The following DNAH12 variants were observed in gnomAD, a reference collection of about 807,000 sequenced individuals.
The protein encoded by DNAH12 is axonemal beta dynein heavy chain 12.
In DNAH12, 285 loss-of-function variants were observed where a neutral mutation model predicts 371.5. The ratio of observed to expected loss-of-function variants is 0.77; its 90% CI spans 0.70 to 0.85. The LOEUF (loss-of-function observed/expected upper bound fraction) is 0.85. Ranked by LOEUF, DNAH12 falls within the 40% of genes least tolerant of loss-of-function variation. The pLI, the probability that DNAH12 is intolerant of heterozygous loss-of-function variation, is 0.00. For missense variants in DNAH12, 3,611 were observed against 3,689.4 expected (o/e 0.98, Z 0.55); for synonymous variants, 1,200 against 1,213.0 (o/e 0.99, Z 0.22).
rs1013992021 is a variant in DNAH12, at chr3:57,364,605, C to T, written c.9168-819G>A. ...ACATCAAAAGCAACTGCAACAAAAA[C>T]ACAAATTGAAAAATGGGATCTAATT... On this transcript the variant is annotated intron_variant, in intron 57 of 73. Transcript: ENST00000495027. Among the ~76,000 whole-genome samples the T allele has an allele frequency of 7.3e-4, 111 of 152,194 alleles. 2 individuals carry two copies. The highest frequency in any genetic ancestry group is 2.5e-3 in the African/African-American group (104 of 41,542).
At chr3:57,467,034 T>G (rs898221879) in intron 17 of DNAH12, among the ~76,000 whole-genome samples, 1 of 151,726 alleles carries the variant, frequency 6.6e-6, no homozygotes, top group Non-Finnish European at 1.5e-5. Flanking sequence ...GGATTACAGG[T>G]TACAGGTGTC....
In DNAH12 at chr3:57,436,986, T is replaced by G; in HGVS notation, c.4620A>C (p.Ile1540=). The change falls in exon 30 of 74, where the codon ATA becomes ATC. Residue 1540 remains isoleucine (I), a synonymous_variant. Coordinates refer to ENST00000495027, the MANE Select transcript of DNAH12 (RefSeq NM_001366028.2). The stretch of plus-strand genomic sequence containing the variant: ...CAATCATCATTTCATATGTTTGAAT[T>G]ATTTTTTCAAGAAAAAATTTAACAG... ...LQPVKFFLEK[I]IQTYEMMIVR... 6.6e-7 allele frequency: 1 copy of G among 1,516,796 alleles called. No individual in the cohort carries two copies. The allele number at this position is 1,516,796 out of a possible 1,614,324, so 94.0% of individuals were successfully genotyped here. A position where few individuals can be genotyped will look rare whatever the true frequency, so the allele number is the denominator to read the frequency against.
intron 73 of DNAH12, 37 bp downstream of exon 73, chr3:57,295,488 C>A: frequency 6.5e-7 from 1 of 1,533,002 alleles, no homozygotes; most frequent in South Asian, 1.2e-5. Flanking sequence ...CTTATTCTCC[C>A]TAAACTTCAA....
chr3:57,341,809 C>T (rs1356198728), intron 60 of DNAH12, among the ~76,000 whole-genome samples: 4 of 151,522 alleles, frequency 2.6e-5, no homozygotes, highest in African/African-American at 4.8e-5. Context: ...ATAGCCAAAA[C>T]AATACTAAGC....
intron 9 of DNAH12, among the ~76,000 whole-genome samples, 190 bp from the exon 10 acceptor site, chr3:57,502,669 C>A (rs993944375): frequency 6.6e-6 from 1 of 152,176 alleles, no homozygotes; most frequent in African/African-American, 2.4e-5. Context: ...CCTGCCTCAG[C>A]CTCCTGAGTA....
At chr3:57,298,778 T>A (rs561254372) in intron 70 of DNAH12, among the ~76,000 whole-genome samples, 12 of 152,334 alleles carry the variant, frequency 7.9e-5, no homozygotes, top group African/African-American at 2.9e-4. Context: ...GCATTTTACA[T>A]GTTGGTCTCT....
At chr3:57,374,250 G>GATA (rs1420148536) in intron 55 of DNAH12, among the ~76,000 whole-genome samples, 89 of 152,166 alleles carry the variant, frequency 5.8e-4, no homozygotes, top group African/African-American at 2.1e-3. Flanking sequence ...TATAAAATGG[G>GATA]ATAATAATAA....
In DNAH12 at chr3:57,323,179, A is replaced by G. The variant is rs371894638; in HGVS notation, c.10211T>C (p.Ile3404Thr). The G allele has an allele frequency of 1.2e-5, 18 of 1,552,370 alleles. No homozygotes were observed. The highest frequency in any genetic ancestry group is 1.5e-5 in the Non-Finnish European group (17 of 1,147,138). ...TGCTGCTTTAATCATTTTTGCTGCAATCGGTCCTTGTCCCTGTCCCAGTGA... is the reference window on the plus strand; with the variant it reads ...TGCTGCTTTAATCATTTTTGCTGCAGTCGGTCCTTGTCCCTGTCCCAGTGA... ...AISLGQGQGP[I>T]AAKMIKAAIE... The change falls in exon 64 of 74, where the codon ATT becomes ACT. Residue 3404 changes from isoleucine to threonine, a missense_variant. Coordinates refer to ENST00000495027, the MANE Select transcript of DNAH12 (RefSeq NM_001366028.2).
chr3:57,422,517 T>C (rs2153361807), intron 35 of DNAH12, among the ~76,000 whole-genome samples: 1 of 152,208 alleles, frequency 6.6e-6, no homozygotes, highest in South Asian at 2.1e-4. Context: ...TAAATACCCA[T>C]ACTGGCTGGG....
intron 62 of DNAH12, among the ~76,000 whole-genome samples, chr3:57,324,569 G>C (rs2061887463): frequency 6.6e-6 from 1 of 152,048 alleles, no homozygotes; most frequent in African/African-American, 2.4e-5. Context: ...CCTTAAGAAA[G>C]AAAAAAGCCT....
At chr3:57,303,617 G>A (rs1044280862) in intron 69 of DNAH12, among the ~76,000 whole-genome samples, 3 of 151,900 alleles carry the variant, frequency 2.0e-5, no homozygotes, top group Non-Finnish European at 4.4e-5. Context: ...CCATGTTTCC[G>A]AAGCTGGGAT....
At chr3:57,355,268 T>TA (rs1246241403) in intron 59 of DNAH12, among the ~76,000 whole-genome samples, 2 of 152,104 alleles carry the variant, frequency 1.3e-5, no homozygotes, top group East Asian at 1.9e-4. Context: ...TATTGACACT[T>TA]CTCTGAGTAA....
intron 25 of DNAH12, among the ~76,000 whole-genome samples, chr3:57,450,269 C>T (rs1409347564): frequency 3.2e-5 from 2 of 62,064 alleles, no homozygotes; most frequent in South Asian, 7.0e-4. Context: ...AAAAAGGTGG[C>T]CCAGTGAGGT....
At chr3:57,309,069 C>T in intron 69 of DNAH12, 82 bp downstream of exon 69, 1 of 1,178,414 alleles carries the variant, frequency 8.5e-7, no homozygotes, top group East Asian at 2.7e-5. Flanking sequence ...TTCGCCGCCC[C>T]AACACTTCAA....
intron 69 of DNAH12, among the ~76,000 whole-genome samples, chr3:57,307,974 C>T (rs2061506814): frequency 6.6e-6 from 1 of 152,350 alleles, no homozygotes; most frequent in Admixed American, 6.5e-5. Flanking sequence ...TCGTGGAACT[C>T]TATCCTCAAG....
At chr3:57,304,100 A>C (rs1008833113) in intron 69 of DNAH12, among the ~76,000 whole-genome samples, 1 of 130,648 alleles carries the variant, frequency 7.7e-6, no homozygotes, top group Non-Finnish European at 1.6e-5. Flanking sequence ...CTTTGACTGT[A>C]ATTTTCCTTT....
At chr3:57,362,244 A>G (rs2062953933) in intron 58 of DNAH12, among the ~76,000 whole-genome samples, 1 of 152,016 alleles carries the variant, frequency 6.6e-6, no homozygotes, top group African/African-American at 2.4e-5. Flanking sequence ...TATGTGCCAC[A>G]TTTTCTTAAT....
chr3:57,371,338 T>A (rs1469949549), intron 55 of DNAH12, among the ~76,000 whole-genome samples: 1 of 152,174 alleles, frequency 6.6e-6, no homozygotes, highest in Non-Finnish European at 1.5e-5. Flanking sequence ...TCTTAACATA[T>A]ACTCACAGTA....
Position 57,438,918 on chromosome 3 carries a change from C to CGAAAAAA in DNAH12, c.4546-1859_4546-1858insTTTTTTC, listed in dbSNP as rs562343761. Among the ~76,000 whole-genome samples the CGAAAAAA allele has an allele frequency of 7.7e-4, 73 of 94,526 alleles. 1 individual carries two copies. The highest frequency in any genetic ancestry group is 1.2e-3 in the East Asian group (4 of 3,304). The allele number at this position is 94,526 out of a possible 152,430, so 62.0% of individuals were successfully genotyped here. A position where few individuals can be genotyped will look rare whatever the true frequency, so the allele number is the denominator to read the frequency against. ...CAACAGAGTGAAACTCTGTCTCAGACAAAAAAAAAAAAAAGGAAAGCAACT... is the reference window on the plus strand; with the variant it reads ...CAACAGAGTGAAACTCTGTCTCAGACGAAAAAAAAAAAAAAAAAAAAGGAAAGCAACT... On this transcript the variant is annotated intron_variant, in intron 29 of 73. Transcript: ENST00000495027.
Sources: allele counts gnomAD v4.1 joint callset (sites outside exome capture counted in the v4.1 genomes callset), GRCh38; gene constraint gnomAD v4.1.1; transcripts MANE v1.5; gene names NCBI Gene and HGNC (gene_info 2026-07-23, HGNC 2026-07-21).